Variants in CNTN5 observed in about 807,000 individuals in gnomAD.
CNTN5 encodes contactin 5, also known as contactin-5.
Under a neutral mutation model 129.1 loss-of-function variants are expected in CNTN5, and 77 were observed. The observed-to-expected ratio is 0.60, with a 90% CI of 0.50 to 0.72. The LOEUF (loss-of-function observed/expected upper bound fraction) is 0.72, where lower values mean the gene tolerates loss of function less well. Among genes scored for constraint, CNTN5 ranks in the 30% least tolerant of loss-of-function variants. CNTN5 has a pLI of 0.00. For missense variants in CNTN5, 1,478 were observed against 1,328.8 expected (o/e 1.11, Z -1.75); for synonymous variants, 509 against 465.6 (o/e 1.09, Z -1.20).
At chr11:100,180,442 C>T (rs1312786284) in intron 13 of CNTN5, among the ~76,000 whole-genome samples, 1 of 151,858 alleles carries the variant, frequency 6.6e-6, no homozygotes, top group African/African-American at 2.4e-5. Flanking sequence ...AACAACAAAC[C>T]TCTCAACCTG....
At chr11:99,403,620 C>T (rs1335622713) in intron 2 of CNTN5, among the ~76,000 whole-genome samples, 1 of 152,062 alleles carries the variant, frequency 6.6e-6, no homozygotes, top group Non-Finnish European at 1.5e-5. Flanking sequence ...ACCCACTAGT[C>T]GTTCAGGAGC....
intron 9 of CNTN5, among the ~76,000 whole-genome samples, chr11:100,052,838 A>G (rs1286025700): frequency 1.3e-5 from 2 of 151,824 alleles, no homozygotes; most frequent in Non-Finnish European, 3.0e-5. Flanking sequence ...ATGATAATCA[A>G]GAAAATGAGA....
intron 9 of CNTN5, among the ~76,000 whole-genome samples, chr11:100,029,079 G>GAA (rs199894840): frequency 0.012 from 1,873 of 151,444 alleles, 10 homozygotes; most frequent in South Asian, 0.028. Context: ...GAGAGAGAGA[G>GAA]AATAAATATT....
intron 6 of CNTN5, among the ~76,000 whole-genome samples, chr11:99,902,730 T>A (rs1949392054): frequency 6.6e-6 from 1 of 152,288 alleles, no homozygotes; most frequent in Non-Finnish European, 1.5e-5. Context: ...TAAATACCCT[T>A]TTAAATGTGC....
intron 17 of CNTN5, among the ~76,000 whole-genome samples, chr11:100,269,712 T>G (rs912653804): frequency 9.9e-5 from 15 of 151,886 alleles, no homozygotes; most frequent in African/African-American, 3.4e-4. Flanking sequence ...GAGGGAGAGA[T>G]ATGTGCTGGG....
Position 100,312,099 on chromosome 11 carries a change from G to A in CNTN5, c.2730+3631G>A, listed in dbSNP as rs116729616. ...CATAGTAACTATTCTATTTCATAGC[G>A]CATTATAAATTGTAGTTTCAAAATA... On this transcript the variant is annotated intron_variant, in intron 21 of 24. Coordinates refer to ENST00000524871, the MANE Select transcript of CNTN5 (RefSeq NM_014361.4). 9.8e-3 allele frequency among the ~76,000 whole-genome samples: 1,495 copies of A among 152,052 alleles called. 22 individuals carry two copies. Among genetic ancestry groups the A allele is most frequent in the African/African-American group, 0.034 (1,401 of 41,492 alleles).
chr11:99,902,907 G>C (rs1462170025), intron 6 of CNTN5, among the ~76,000 whole-genome samples: 1 of 152,106 alleles, frequency 6.6e-6, no homozygotes, highest in Non-Finnish European at 1.5e-5. Flanking sequence ...TTAAGGCAAG[G>C]CATGAAGTTT....
At chr11:99,892,485 T>C (rs1367441759) in intron 6 of CNTN5, among the ~76,000 whole-genome samples, 3 of 152,206 alleles carry the variant, frequency 2.0e-5, no homozygotes, top group Admixed American at 6.5e-5. Flanking sequence ...CTTTAATCCA[T>C]CGTGAGTTAA....
At chr11:99,991,159 G>T (rs907021259) in intron 8 of CNTN5, among the ~76,000 whole-genome samples, 16 of 152,096 alleles carry the variant, frequency 1.1e-4, no homozygotes, top group Admixed American at 1.0e-3. Flanking sequence ...GCACAATGAC[G>T]TAACAGTCAA....
rs140123455 is a variant in CNTN5 at position 99,549,091 on chromosome 11, C to CTT, written c.-70-7054_-70-7053insTT. Among the ~76,000 whole-genome samples, 17 of 89,280 alleles carry CTT rather than the reference C, an allele frequency of 1.9e-4. No homozygotes were observed. In the South Asian group the frequency reaches 2.1e-3, roughly 11 times the overall value. 58.6% of individuals were successfully genotyped at this position (89,280 alleles called of 152,430 possible). ...TTTCCTCTTTCTCATGGTGTCAATT[C>CTT]CTTTTTTTTTTTTATAACACAAGTA... On this transcript the variant is annotated intron_variant, in intron 2 of 24. Coordinates refer to ENST00000524871, the MANE Select transcript of CNTN5 (RefSeq NM_014361.4).
chr11:99,819,077 G>C (rs948867343), intron 3 of CNTN5, among the ~76,000 whole-genome samples: 2 of 151,716 alleles, frequency 1.3e-5, no homozygotes, highest in African/African-American at 2.4e-5. Flanking sequence ...TGAAATGTTG[G>C]TTTCCTCACT....
At chr11:100,039,183 A>G (rs924912317) in intron 9 of CNTN5, among the ~76,000 whole-genome samples, 2 of 152,106 alleles carry the variant, frequency 1.3e-5, no homozygotes, top group African/African-American at 2.4e-5. Context: ...AAATCTCTCC[A>G]CATTTGCTTG....
intron 13 of CNTN5, among the ~76,000 whole-genome samples, chr11:100,165,483 T>C (rs1308530896): frequency 2.6e-5 from 4 of 151,844 alleles, no homozygotes; most frequent in African/African-American, 7.2e-5. Context: ...GCTCTGTTAA[T>C]TGTAAATAAT....
chr11:99,788,632 G>C (rs1292333548), intron 3 of CNTN5, among the ~76,000 whole-genome samples: 1 of 151,886 alleles, frequency 6.6e-6, no homozygotes, highest in African/African-American at 2.4e-5. Context: ...CATTATTGCA[G>C]CAGATAACAA....
At chr11:100,257,230 C>T (rs887545105) in intron 17 of CNTN5, among the ~76,000 whole-genome samples, 2 of 152,162 alleles carry the variant, frequency 1.3e-5, no homozygotes, top group South Asian at 2.1e-4. Context: ...CAGACTGCCT[C>T]TCTAGATTCT....
At chr11:99,973,849 G>T (rs939040793) in intron 8 of CNTN5, among the ~76,000 whole-genome samples, 1 of 152,172 alleles carries the variant, frequency 6.6e-6, no homozygotes, top group South Asian at 2.1e-4. Flanking sequence ...TCACTCCAAT[G>T]AGATATTTTG....
rs78035411 is a variant in CNTN5, at chr11:99,262,765, T to C, written c.-209-62581T>C. On this transcript the variant is annotated intron_variant, in intron 1 of 24. Coordinates refer to ENST00000524871, the MANE Select transcript of CNTN5 (RefSeq NM_014361.4). Reference sequence around the variant, plus strand: ...GCCCCTCTTAATTAAAAACGTTAAATTGAATTCTTTTATTTAAAATATTTA... The same window carrying C: ...GCCCCTCTTAATTAAAAACGTTAAACTGAATTCTTTTATTTAAAATATTTA... Among the ~76,000 whole-genome samples the C allele has an allele frequency of 2.1e-3, 319 of 152,150 alleles. 11 individuals are homozygous for C. In the East Asian group the frequency reaches 0.044, roughly 21 times the overall value.
chr11:100,098,912 G>T (rs772458932), intron 13 of CNTN5, among the ~76,000 whole-genome samples: 7 of 152,056 alleles, frequency 4.6e-5, no homozygotes, highest in Non-Finnish European at 1.0e-4. Flanking sequence ...TCAGGAAAAT[G>T]AGTGGAAATC....
intron 2 of CNTN5, among the ~76,000 whole-genome samples, chr11:99,503,140 T>A (rs1252733079): frequency 6.6e-6 from 1 of 152,220 alleles, no homozygotes; most frequent in African/African-American, 2.4e-5. Flanking sequence ...AGGATTATAC[T>A]ATGCGTATTC....
Sources: gnomAD v4.1 joint callset for allele counts (sites outside exome capture counted in the v4.1 genomes callset) on GRCh38, gnomAD v4.1.1 for gene constraint, MANE v1.5 for transcripts, NCBI Gene and HGNC (gene_info 2026-07-23, HGNC 2026-07-21) for gene names.